AZIN2: variants seen among roughly 807,000 people sequenced by gnomAD.
AZIN2 encodes ODC antizyme inhibitor-2.
A neutral mutation model predicts 47.8 loss-of-function variants in AZIN2; 28 were observed. The ratio of observed to expected loss-of-function variants is 0.59; its 90% confidence interval spans 0.43 to 0.80. AZIN2 has a LOEUF of 0.80. Ranked by LOEUF, AZIN2 falls within the 30% of genes least tolerant of loss-of-function variation. AZIN2 has a pLI of 0.00. For synonymous variants in AZIN2, 221 were observed against 239.4 expected (o/e 0.92, Z 0.71); for missense variants, 535 against 582.5 (o/e 0.92, Z 0.84).
chr1:33,125,900 T>G (rs1221355245), downstream of AZIN2, among the ~76,000 whole-genome samples: 1 of 152,128 alleles, frequency 6.6e-6, no homozygotes, highest in Non-Finnish European at 1.5e-5. Flanking sequence ...GACGGCTCAT[T>G]CTTGTAATCC....
chr1:33,097,484 C>T (rs1000379703), intron 9 of AZIN2, among the ~76,000 whole-genome samples: 2 of 152,178 alleles, frequency 1.3e-5, no homozygotes, highest in African/African-American at 4.8e-5. Flanking sequence ...GGGATAGCAG[C>T]CTGTGAGTGA....
At chr1:33,136,234 TTTC>T in the AZIN2 span, among the ~76,000 whole-genome samples, 2 of 151,112 alleles carry the variant, frequency 1.3e-5, no homozygotes, top group African/African-American at 4.9e-5. Context: ...TTTCTTTCTC[TTTC>T]TTTTCCTTTC....
chr1:33,153,999 G>C, the AZIN2 span, among the ~76,000 whole-genome samples: 57 of 152,314 alleles, frequency 3.7e-4, no homozygotes, highest in African/African-American at 1.3e-3. Context: ...ATCCAGGAAG[G>C]CTTCTCAGAG....
At chr1:33,132,384 A>G in the AZIN2 span, among the ~76,000 whole-genome samples, 3 of 152,254 alleles carry the variant, frequency 2.0e-5, no homozygotes, top group African/African-American at 2.4e-5. Flanking sequence ...GAGACAATAC[A>G]TAAGTGATTG....
the AZIN2 span, chr1:33,165,380 A>AGGCCCCGCCCCTCTTCCCCAGCT: frequency 8.2e-7 from 1 of 1,216,980 alleles, no homozygotes; most frequent in Non-Finnish European, 1.1e-6. This position sits in a 1 kb window ranked among gnomAD's most constrained non-coding sequence, Gnocchi z 4.0. Context: ...CGCACACCCG[A>AGGCCCCGCCCCTCTTCCCCAGCT]GGCCCCGCCC....
At position 33,090,343 on chromosome 1, in the gene AZIN2, C is replaced by T. The variant is rs535120928; in HGVS notation, c.280-1707C>T. Among the ~76,000 whole-genome samples the T allele has an allele frequency of 1.8e-4, 27 of 152,238 alleles. No homozygotes were observed. In the East Asian group the frequency reaches 5.0e-3, roughly 28 times the overall value. ...GCTGAATGAACACAGTTGCTGTCGT[C>T]ATCATCATCATCATCATTTGTTCAT... On this transcript the variant is annotated intron_variant, in intron 5 of 11. Coordinates refer to ENST00000294517, the MANE Select transcript of AZIN2 (RefSeq NM_052998.4).
chr1:33,156,026 T>G, the AZIN2 span, among the ~76,000 whole-genome samples: 1 of 152,226 alleles, frequency 6.6e-6, no homozygotes, highest in Non-Finnish European at 1.5e-5. Flanking sequence ...CCACTGGCTT[T>G]GGTGCCCACT....
chr1:33,136,766 G>A, the AZIN2 span, among the ~76,000 whole-genome samples: 54 of 151,756 alleles, frequency 3.6e-4, no homozygotes, highest in Admixed American at 6.6e-4. Context: ...TTGGGAGGCC[G>A]AGGCAGGTGG....
At chr1:33,162,399 C>T in the AZIN2 span, among the ~76,000 whole-genome samples, 1 of 152,228 alleles carries the variant, frequency 6.6e-6, no homozygotes, top group South Asian at 2.1e-4. Context: ...TCCTCTCTTT[C>T]AGGCACTTGG....
chr1:33,110,695 A>G (rs1000865888), intron 10 of AZIN2, among the ~76,000 whole-genome samples: 12 of 152,234 alleles, frequency 7.9e-5, no homozygotes, highest in African/African-American at 2.7e-4. Flanking sequence ...CACAGAGACA[A>G]AAAGATATAA....
chr1:33,164,860 C>G, the AZIN2 span: 2 of 152,168 alleles, frequency 1.3e-5, no homozygotes, highest in African/African-American at 4.8e-5. Flanking sequence ...CCTACTGCAG[C>G]CTCAAACTCC....
intron 8 of AZIN2, among the ~76,000 whole-genome samples, chr1:33,095,824 T>C (rs1274407574): frequency 6.6e-6 from 1 of 152,110 alleles, no homozygotes. Context: ...ATTCTTACAA[T>C]AAAGTAAGCT....
At chr1:33,164,786 C>G in the AZIN2 span, 1 of 151,538 alleles carries the variant, frequency 6.6e-6, no homozygotes, top group South Asian at 2.1e-4. Flanking sequence ...TTCATTCATT[C>G]ATTCATTTTA....
the AZIN2 span, among the ~76,000 whole-genome samples, chr1:33,137,816 C>T: frequency 2.0e-5 from 3 of 152,170 alleles, no homozygotes; most frequent in Non-Finnish European, 2.9e-5. Flanking sequence ...GGCCACGGTA[C>T]AAGGGCAAGA....
chr1:33,084,220 T>C, intron 5 of AZIN2, 93 bp downstream of exon 5: 2 of 1,483,678 alleles, frequency 1.3e-6, no homozygotes, highest in Non-Finnish European at 1.8e-6. Flanking sequence ...GAGCAAGAGG[T>C]ACCTGTAGTT....
At chr1:33,135,560 T>C in the AZIN2 span, among the ~76,000 whole-genome samples, 1 of 152,208 alleles carries the variant, frequency 6.6e-6, no homozygotes, top group Non-Finnish European at 1.5e-5. Context: ...CCACAGCCCA[T>C]TGCTTTGCCC....
the AZIN2 span, among the ~76,000 whole-genome samples, chr1:33,151,309 C>T: frequency 6.6e-6 from 1 of 152,084 alleles, no homozygotes; most frequent in Admixed American, 6.5e-5. Flanking sequence ...CAGGGCCTGC[C>T]ACTCTCTTAG....
chr1:33,158,903 C>T, the AZIN2 span, among the ~76,000 whole-genome samples: 10 of 151,828 alleles, frequency 6.6e-5, 2 homozygotes, highest in Admixed American at 6.6e-5. Context: ...TGCAATGGCG[C>T]GATCTCAGCT....
chr1:33,150,544 G>A, the AZIN2 span, among the ~76,000 whole-genome samples: 2 of 152,230 alleles, frequency 1.3e-5, no homozygotes, highest in Admixed American at 6.5e-5. Flanking sequence ...TTAGCCTTGT[G>A]AATAGAGGGG....
Sources: allele counts gnomAD v4.1 joint callset (sites outside exome capture counted in the v4.1 genomes callset), GRCh38; gene constraint gnomAD v4.1.1; non-coding constraint Gnocchi (gnomAD v3.1); transcripts MANE v1.5; gene names NCBI Gene and HGNC (gene_info 2026-07-23, HGNC 2026-07-21).